The following ZNF185 variants were observed in gnomAD, a reference collection of about 807,000 sequenced individuals.
The protein encoded by ZNF185 is zinc finger protein 185 with LIM domain.
A neutral mutation model predicts 58.6 loss-of-function variants in ZNF185; 56 were observed. The observed-to-expected ratio is 0.95, with a 90% CI of 0.77 to 1.19. The LOEUF (loss-of-function observed/expected upper bound fraction) is 1.19. Among genes scored for constraint, ZNF185 ranks in the 50% most tolerant of loss-of-function variants. The pLI is 0.00. For synonymous variants in ZNF185, 230 were observed against 215.9 expected (o/e 1.07, Z -0.57); for missense variants, 627 against 573.5 (o/e 1.09, Z -0.95).
At chrX:152,935,036 C>T (rs1043667555) in intron 14 of ZNF185, among the ~76,000 whole-genome samples, 2 of 110,400 alleles carry the variant, frequency 1.8e-5, no homozygotes, top group Non-Finnish European at 3.8e-5. Context: ...GTTGCCCAGG[C>T]TGGTTTGGAA....
intron 15 of ZNF185, among the ~76,000 whole-genome samples, chrX:152,942,475 T>G (rs1311873922): frequency 8.9e-6 from 1 of 111,955 alleles, no homozygotes. Context: ...CAAATCGGTT[T>G]GTATATGTAA....
exon 16 of ZNF185, chrX:152,945,373 G>C (rs782678540): frequency 1.7e-6 from 2 of 1,205,947 alleles, no homozygotes; most frequent in Admixed American, 2.2e-5. Context: ...AGCTGTACCC[G>C]CTCAGCAACC....
At chrX:152,939,296 ACAAT>A (rs1280101727) in intron 15 of ZNF185, among the ~76,000 whole-genome samples, 1 of 111,966 alleles carries the variant, frequency 8.9e-6, no homozygotes, top group African/African-American at 3.2e-5. Flanking sequence ...CTGACAATTA[ACAAT>A]CAGAGTGAAA....
At position 152,918,092 on chromosome X, in the gene ZNF185, C is replaced by T. The variant is rs782153738; in HGVS notation, c.369C>T (p.Asn123=). 7 of 1,191,081 alleles carry T rather than the reference C, an allele frequency of 5.9e-6. No homozygotes were observed. In the East Asian group the frequency reaches 1.2e-4, roughly 21 times the overall value. ...CTGCCAGTCTGGTGAGAACAGCTAA[C>T]GCTGGTCCTCCCCGCCCCTCCTCCT... Residue 123 remains asparagine, a synonymous_variant, in exon 6 of 23, where the codon AAC becomes AAT. Transcript: ENST00000449285.
the ZNF185 span, among the ~76,000 whole-genome samples, chrX:152,904,427 T>G: frequency 8.9e-6 from 1 of 112,932 alleles, no homozygotes; most frequent in Admixed American, 9.3e-5. Context: ...GCAACCTGTC[T>G]GCTGACTGTT....
chrX:152,919,378 T>A (rs1467000567), intron 7 of ZNF185, among the ~76,000 whole-genome samples: 2 of 110,842 alleles, frequency 1.8e-5, no homozygotes, highest in Admixed American at 1.9e-4. Context: ...ATCGGTTTGT[T>A]AGAAAGGGCC....
At chrX:152,899,184 A>G in the ZNF185 span, among the ~76,000 whole-genome samples, 1 of 112,547 alleles carries the variant, frequency 8.9e-6, no homozygotes, top group African/African-American at 3.2e-5. Flanking sequence ...CCCATCCAGC[A>G]GTGCTTGAGG....
exon 7 of ZNF185, chrX:152,919,078 G>T (rs1556868156): frequency 1.2e-5 from 15 of 1,202,515 alleles, no homozygotes; most frequent in Non-Finnish European, 1.6e-5. Context: ...GAACAGAAAC[G>T]GAGGTAATGG....
At chrX:152,938,206 A>G in intron 15 of ZNF185, 43 bp downstream of exon 17, 1 of 1,135,316 alleles carries the variant, frequency 8.8e-7, no homozygotes, top group Non-Finnish European at 1.2e-6. Context: ...GGGTGGAGAG[A>G]GGCAGCTTGG....
At chrX:152,942,831 A>C (rs1398806671) in intron 15 of ZNF185, among the ~76,000 whole-genome samples, 2 of 111,457 alleles carry the variant, frequency 1.8e-5, no homozygotes, top group African/African-American at 6.5e-5. Context: ...AGCTGGGTGC[A>C]GTGGCTCATA....
At chrX:152,940,419 TGGTGGG>T (rs1295182891) in intron 15 of ZNF185, among the ~76,000 whole-genome samples, 6 of 30,796 alleles carry the variant, frequency 1.9e-4, no homozygotes, top group Non-Finnish European at 3.6e-4. Context: ...GCTGGGAGTG[TGGTGGG>T]GGTGGGGGTG....
At chrX:152,905,989 G>T in the ZNF185 span, among the ~76,000 whole-genome samples, 11 of 112,556 alleles carry the variant, frequency 9.8e-5, 1 homozygote, top group Admixed American at 9.3e-4. Context: ...TAGGAGGACT[G>T]GGGGGAAAGG....
the ZNF185 span, among the ~76,000 whole-genome samples, chrX:152,902,472 C>G: frequency 2.7e-3 from 303 of 113,160 alleles, 5 homozygotes; most frequent in African/African-American, 9.5e-3. Context: ...TTACATCAGG[C>G]AGTGCCTGCT....
In ZNF185 at chrX:152,954,729, G is replaced by C. The variant is rs191733793; in HGVS notation, c.1410-4970G>C. 2.7e-5 allele frequency among the ~76,000 whole-genome samples: 3 copies of C among 112,495 alleles called. No individual in the cohort carries two copies. The East Asian group carries it at 8.3e-4, about 31-fold the overall frequency. ...CCTCATTGACTCAGACTCTCAACCAGCGAGGTAGAAGAAATGTTTGGGGGC... is the reference window on the plus strand; with the variant it reads ...CCTCATTGACTCAGACTCTCAACCACCGAGGTAGAAGAAATGTTTGGGGGC... On this transcript the variant is annotated intron_variant, in intron 16 of 22. Coordinates refer to ENST00000449285, the Ensembl canonical transcript of ZNF185.
At chrX:152,964,124 A>C (rs782356609) in intron 18 of ZNF185, among the ~76,000 whole-genome samples, 175 bp downstream of exon 20, 1 of 112,414 alleles carries the variant, frequency 8.9e-6, no homozygotes, top group African/African-American at 3.2e-5. Flanking sequence ...ATAAACTCCC[A>C]TCTACCGGGC....
upstream of ZNF185, among the ~76,000 whole-genome samples, chrX:152,909,712 G>A (rs782311099): frequency 6.2e-5 from 7 of 112,285 alleles, no homozygotes; most frequent in East Asian, 8.5e-4. Flanking sequence ...AGGAGGCCCC[G>A]GGAAGAGGCC....
intron 15 of ZNF185, among the ~76,000 whole-genome samples, chrX:152,939,649 G>C (rs1181012048): frequency 3.6e-5 from 4 of 111,407 alleles, no homozygotes; most frequent in Non-Finnish European, 7.5e-5. Context: ...CAACTTGACA[G>C]AGGAGAAAAT....
chrX:152,911,435 T>C (rs1937165709), upstream of ZNF185, among the ~76,000 whole-genome samples: 2 of 110,901 alleles, frequency 1.8e-5, no homozygotes, highest in South Asian at 7.6e-4. Flanking sequence ...AAGGCTGATG[T>C]GGGCCAAGTG....
At chrX:152,926,655 G>A (rs1940919361) in intron 11 of ZNF185, among the ~76,000 whole-genome samples, 1 of 112,203 alleles carries the variant, frequency 8.9e-6, no homozygotes, top group African/African-American at 3.2e-5. Flanking sequence ...CTTCCAGCGT[G>A]GTCCTGGACT....
Sources: allele counts gnomAD v4.1 joint callset (sites outside exome capture counted in the v4.1 genomes callset), GRCh38; gene constraint gnomAD v4.1.1; transcripts MANE v1.5; gene names NCBI Gene and HGNC (gene_info 2026-07-23, HGNC 2026-07-21).